Variants in BTD observed in about 807,000 individuals in gnomAD.
BTD encodes biotinidase.
Under a neutral mutation model 17.7 loss-of-function variants are expected in BTD, and 13 were observed. That is an observed-to-expected ratio of 0.74 (90% confidence interval 0.48 to 1.17). The LOEUF is 1.17. Among genes scored for constraint, BTD ranks in the 50% most tolerant of loss-of-function variants. The pLI is 0.00. For missense variants in BTD, 674 were observed against 650.4 expected (o/e 1.04, Z -0.39); for synonymous variants, 240 against 245.2 (o/e 0.98, Z 0.20).
chr3:15,665,127 TG>T (rs1288574933), intron 3 of BTD, among the ~76,000 whole-genome samples: 1 of 152,066 alleles, frequency 6.6e-6, no homozygotes, highest in African/African-American at 2.4e-5. Flanking sequence ...GAAAGGGGAA[TG>T]AGACAACCAC....
intron 1 of BTD, among the ~76,000 whole-genome samples, chr3:15,628,869 C>T (rs944874732): frequency 6.6e-6 from 1 of 152,084 alleles, no homozygotes; most frequent in Non-Finnish European, 1.5e-5. Flanking sequence ...ATGGTTGAAA[C>T]ATTTTTCAGA....
At chr3:15,704,544 G>A (rs556440082) in intron 3 of BTD, among the ~76,000 whole-genome samples, 2 of 152,200 alleles carry the variant, frequency 1.3e-5, no homozygotes, top group Admixed American at 1.3e-4. Flanking sequence ...GTACATTACT[G>A]AATAATAGCA....
intron 3 of BTD, among the ~76,000 whole-genome samples, chr3:15,678,920 A>G (rs1158023434): frequency 6.6e-6 from 1 of 152,228 alleles, no homozygotes; most frequent in Non-Finnish European, 1.5e-5. Flanking sequence ...GGTTTTCTGT[A>G]AATTCTCTCA....
intron 3 of BTD, among the ~76,000 whole-genome samples, chr3:15,696,831 T>A (rs1294946287): frequency 1.3e-5 from 2 of 151,946 alleles, no homozygotes; most frequent in Admixed American, 6.6e-5. Context: ...ATGAGGAAAA[T>A]AATTTTAAAA....
intron 3 of BTD, among the ~76,000 whole-genome samples, chr3:15,695,862 T>C (rs773830909): frequency 1.2e-4 from 19 of 152,072 alleles, no homozygotes; most frequent in Admixed American, 1.0e-3. Flanking sequence ...ATGAGGAATA[T>C]TAATTTAAAG....
chr3:15,628,311 T>C (rs1011382081), intron 1 of BTD, among the ~76,000 whole-genome samples: 6 of 152,382 alleles, frequency 3.9e-5, no homozygotes, highest in South Asian at 2.1e-4. Flanking sequence ...AGAGATGTTG[T>C]GTGCACTATA....
chr3:15,677,361 A>T, intron 3 of BTD: 1 of 706,764 alleles, frequency 1.4e-6, no homozygotes. Context: ...CAAGAAATCT[A>T]ATACCAGTGA....
chr3:15,657,815 A>G (rs1463843746), downstream of BTD, among the ~76,000 whole-genome samples: 5 of 148,740 alleles, frequency 3.4e-5, no homozygotes, highest in African/African-American at 5.1e-5. Context: ...AAAAGTCTTC[A>G]AGCAACACTG....
rs896069029 is a variant in BTD, at chr3:15,720,065, T to C, written c.1016-1705T>C. Among the ~76,000 whole-genome samples, 4 of 152,108 alleles carry C rather than the reference T, an allele frequency of 2.6e-5. No homozygotes were observed. The East Asian group carries it at 5.8e-4, about 22-fold the overall frequency. On this transcript the variant is annotated intron_variant, in intron 4 of 4. Transcript: ENST00000672427. ...TCTATTTTTTTGTGGAGCCAGGTTA[T>C]GCTGTCCAGGCTAGTCCTGAATTCC...
At chr3:15,715,981 CTTTT>C (rs890097708), downstream of BTD, among the ~76,000 whole-genome samples, 1 of 150,752 alleles carries the variant, frequency 6.6e-6, no homozygotes, top group Non-Finnish European at 1.5e-5. Flanking sequence ...TAGCTATGGC[CTTTT>C]TTTTCTCTCT....
chr3:15,660,005 C>G (rs141433416), intron 3 of BTD, among the ~76,000 whole-genome samples: 1 of 152,186 alleles, frequency 6.6e-6, no homozygotes, highest in Admixed American at 6.5e-5. Flanking sequence ...TTCTCATAAA[C>G]CCAATGGAAA....
At chr3:15,669,534 T>C (rs1198248982) in intron 3 of BTD, 1 of 152,204 alleles carries the variant, frequency 6.6e-6, no homozygotes, top group East Asian at 1.9e-4. Context: ...TCACCCGTAT[T>C]GCACCCAGTC....
intron 4 of BTD, chr3:15,721,018 T>C: frequency 6.2e-7 from 1 of 1,613,952 alleles, no homozygotes; most frequent in Non-Finnish European, 8.5e-7. Context: ...TTTTTCATTC[T>C]TTTGATTCAC....
intron 3 of BTD, among the ~76,000 whole-genome samples, chr3:15,701,332 G>A (rs2070571470): frequency 6.6e-6 from 1 of 152,054 alleles, no homozygotes; most frequent in Admixed American, 6.5e-5. Flanking sequence ...AAAATTCTTT[G>A]GAGTCAAGCA....
rs1432209531 is a variant in BTD at position 15,644,297 on chromosome 3, A to T, written c.400-19A>T. The T allele has an allele frequency of 1.2e-6, 2 of 1,608,958 alleles. No homozygotes were observed. The highest frequency in any genetic ancestry group is 3.4e-5 in the Admixed American group (2 of 59,060). On this transcript the variant is annotated intron_variant, in intron 3 of 3. Transcript: ENST00000643237. ...TTACAGGCAAAAACCTCATTTATTTACACCTTTTTTTCCTCTAGGTGCTCC... is the reference window on the plus strand; with the variant it reads ...TTACAGGCAAAAACCTCATTTATTTTCACCTTTTTTTCCTCTAGGTGCTCC...
intron 3 of BTD, among the ~76,000 whole-genome samples, chr3:15,707,067 G>A (rs1351400190): frequency 6.6e-6 from 1 of 152,088 alleles, no homozygotes; most frequent in African/African-American, 2.4e-5. Context: ...CTTATTTTGA[G>A]GGCGAAAAGT....
chr3:15,635,505 C>A lies in BTD; in HGVS notation c.66C>A (p.Ala22=), dbSNP rs768786550. The A allele has an allele frequency of 6.2e-7, 1 of 1,614,122 alleles. No individual in the cohort carries two copies. Among genetic ancestry groups the A allele is most frequent in the Admixed American group, 1.7e-5 (1 of 60,016 alleles). ...GCTGTTACGTGGTTGCCCTGGGAGC[C>A]CACACCGGGGAGGAGAGCGTGGCTG... ...LCGCYVVALG[A]HTGEESVADH... is the part of the protein sequence containing the mutation. The change falls in exon 2 of 4, where the codon GCC becomes GCA. Residue 22 remains alanine, a synonymous_variant. Transcript: ENST00000643237. This position sits in a 1 kb window ranked among gnomAD's most constrained non-coding sequence, Gnocchi z 4.1.
intron 1 of BTD, among the ~76,000 whole-genome samples, chr3:15,610,849 G>A (rs540962101): frequency 1.3e-5 from 2 of 151,928 alleles, no homozygotes; most frequent in South Asian, 4.2e-4. Flanking sequence ...CAGTGTCTAG[G>A]GATGCACATT....
intron 1 of BTD, among the ~76,000 whole-genome samples, chr3:15,612,398 G>A (rs2064662727): frequency 6.6e-6 from 1 of 151,876 alleles, no homozygotes; most frequent in African/African-American, 2.4e-5. Context: ...ATAATTTCTG[G>A]CTTATATTTT....
Sources: allele counts gnomAD v4.1 joint callset (sites outside exome capture counted in the v4.1 genomes callset), GRCh38; gene constraint gnomAD v4.1.1; non-coding constraint Gnocchi (gnomAD v3.1); transcripts MANE v1.5; gene names NCBI Gene and HGNC (gene_info 2026-07-23, HGNC 2026-07-21).